PCDH9: variants seen among roughly 807,000 people sequenced by gnomAD.
PCDH9 encodes protocadherin-9.
PCDH9 carries 24 observed loss-of-function variants against 70.6 expected under a neutral mutation model. The observed-to-expected ratio is 0.34, with a 90% CI of 0.25 to 0.48. The LOEUF (loss-of-function observed/expected upper bound fraction) is 0.48, where lower values mean the gene tolerates loss of function less well. Among genes scored for constraint, PCDH9 ranks in the 20% least tolerant of loss-of-function variants. The pLI, the probability that PCDH9 is intolerant of heterozygous loss-of-function variation, is 0.99. For missense variants in PCDH9, 1,281 were observed against 1,503.6 expected (o/e 0.85, Z 2.45); for synonymous variants, 562 against 558.5 (o/e 1.01, Z -0.09).
intron 4 of PCDH9, among the ~76,000 whole-genome samples, chr13:66,509,139 A>G (rs1433301775): frequency 3.3e-5 from 5 of 152,182 alleles, no homozygotes; most frequent in Non-Finnish European, 7.3e-5. Flanking sequence ...CCTCAGCCCA[A>G]CTACACTGTA....
chr13:66,896,653 G>A (rs897034477), intron 3 of PCDH9, among the ~76,000 whole-genome samples: 7 of 152,228 alleles, frequency 4.6e-5, no homozygotes, highest in East Asian at 3.9e-4. Context: ...AGCTGAGTCC[G>A]TTGAACACAA....
At chr13:66,926,141 T>C (rs2082714485) in intron 2 of PCDH9, among the ~76,000 whole-genome samples, 1 of 152,008 alleles carries the variant, frequency 6.6e-6, no homozygotes, top group Non-Finnish European at 1.5e-5. Flanking sequence ...ATAACTACTA[T>C]ATAGTGCCTG....
intron 4 of PCDH9, among the ~76,000 whole-genome samples, chr13:66,306,667 A>G (rs1003940476): frequency 6.6e-6 from 1 of 151,802 alleles, no homozygotes; most frequent in Non-Finnish European, 1.5e-5. Context: ...AATATCCTTA[A>G]AATTACTTCC....
intron 3 of PCDH9, among the ~76,000 whole-genome samples, chr13:66,775,996 C>T (rs1298788853): frequency 6.6e-6 from 1 of 152,186 alleles, no homozygotes; most frequent in Non-Finnish European, 1.5e-5. Flanking sequence ...CATGCAACTG[C>T]TTCTGCTTTT....
At chr13:67,041,050 G>A (rs540101505) in intron 2 of PCDH9, among the ~76,000 whole-genome samples, 26 of 151,862 alleles carry the variant, frequency 1.7e-4, no homozygotes, top group Non-Finnish European at 2.9e-4. Flanking sequence ...AAGAACAGAA[G>A]AGTCAAGAAC....
intron 2 of PCDH9, among the ~76,000 whole-genome samples, chr13:67,096,955 T>G (rs925868943): frequency 1.3e-5 from 2 of 152,106 alleles, no homozygotes; most frequent in Non-Finnish European, 2.9e-5. Context: ...TAAAATATTT[T>G]AAGAATTTTA....
intron 4 of PCDH9, among the ~76,000 whole-genome samples, chr13:66,470,850 A>G (rs1257934205): frequency 2.0e-5 from 3 of 151,602 alleles, no homozygotes; most frequent in Admixed American, 6.6e-5. Flanking sequence ...ATCTCTCTGA[A>G]TCTCAACTTT....
At chr13:66,554,703 T>C (rs1961646867) in intron 4 of PCDH9, among the ~76,000 whole-genome samples, 1 of 152,080 alleles carries the variant, frequency 6.6e-6, no homozygotes, top group African/African-American at 2.4e-5. Context: ...TAAGAACTTC[T>C]AGAGCTTCTA....
In PCDH9 at chr13:67,227,473, G is replaced by C. The variant is rs747454053; in HGVS notation, c.968C>G (p.Thr323Arg). 1.9e-6 allele frequency: 3 copies of C among 1,613,830 alleles called. No individual in the cohort carries two copies. Among genetic ancestry groups the C allele is most frequent in the African/African-American group, 2.7e-5 (2 of 75,038 alleles). ...CAGCACTGTCACTTTGTGAATGGCT[G>C]TCTCCTCTCTATCTAAGGACCTCTG... ...TVQRSLDREE[T>R]AIHKVTVLAS... Residue 323 changes from threonine (T) to arginine (R), a missense_variant, in exon 2 of 5, where the codon ACA (threonine) becomes AGA (arginine). By Grantham distance (71) the Thr-to-Arg change is moderately conservative. Around this residue, in one of 4 missense-constraint regions of PCDH9, gnomAD observed 798 missense variants for 1,003.1 expected, o/e 0.80. Transcript: ENST00000377865. This position sits in a 1 kb window ranked among gnomAD's most constrained non-coding sequence, Gnocchi z 4.6.
At position 66,369,552 on chromosome 13, in the gene PCDH9, A is replaced by G. The variant is rs1302164640; in HGVS notation, c.3341-64524T>C. Among the ~76,000 whole-genome samples, 4 of 152,230 alleles carry G rather than the reference A, an allele frequency of 2.6e-5. No homozygotes were observed. The East Asian group carries it at 7.7e-4, about 29-fold the overall frequency. ...TTGATAATCTCTTGACTTTAAAATA[A>G]CACACTACCTCAGCAAGTATACTAC... is the stretch of plus-strand genomic sequence containing the variant. On this transcript the variant is annotated intron_variant, in intron 4 of 4. Coordinates refer to ENST00000377865, the MANE Select transcript of PCDH9 (RefSeq NM_203487.3).
chr13:66,824,335 A>T, intron 3 of PCDH9, among the ~76,000 whole-genome samples: 1 of 122,312 alleles, frequency 8.2e-6, no homozygotes, highest in Non-Finnish European at 1.7e-5. Context: ...ATATATATAT[A>T]TATATATATA....
At chr13:66,748,977 T>C (rs2079415354) in intron 3 of PCDH9, among the ~76,000 whole-genome samples, 1 of 152,130 alleles carries the variant, frequency 6.6e-6, no homozygotes, top group African/African-American at 2.4e-5. Context: ...TCAAGATATC[T>C]GATGTGGTTT....
chr13:66,962,165 T>C lies in PCDH9; in HGVS notation c.3037-58560A>G, dbSNP rs77286761. 8.4e-3 allele frequency among the ~76,000 whole-genome samples: 1,278 copies of C among 152,326 alleles called. 55 individuals are homozygous for C. In the East Asian group the frequency reaches 0.12, roughly 14 times the overall value. On this transcript the variant is annotated intron_variant, in intron 2 of 4. Transcript: ENST00000377865. ...TAATAATTCATTTTGTCAAATTGGT[T>C]CCATTGGAGAGAGGGATAAGGAAAA...
intron 4 of PCDH9, among the ~76,000 whole-genome samples, chr13:66,489,779 C>T (rs1195518297): frequency 6.6e-6 from 1 of 152,126 alleles, no homozygotes; most frequent in Non-Finnish European, 1.5e-5. Context: ...ATCGATGACA[C>T]ACATACATTC....
chr13:66,855,688 CAG>C (rs2139465836), intron 3 of PCDH9, among the ~76,000 whole-genome samples: 1 of 152,026 alleles, frequency 6.6e-6, no homozygotes, highest in African/African-American at 2.4e-5. Context: ...AAAAAAGGCT[CAG>C]AGAGTTCAGG....
chr13:66,320,057 T>G (rs1192274326), intron 4 of PCDH9, among the ~76,000 whole-genome samples: 1 of 152,100 alleles, frequency 6.6e-6, no homozygotes, highest in African/African-American at 2.4e-5. Context: ...CCTTGTGAGT[T>G]GATGAAAAGT....
rs138956797 is a variant in PCDH9, at chr13:66,548,011, T to TTGTA, written c.3340+83195_3340+83198dup. ...AGCTTTTTGTTGTTTGCGTGTGTAT[T>TTGTA]TGTATGTATGTATGTATGTATGTTT... On this transcript the variant is annotated intron_variant, in intron 4 of 4. Transcript: ENST00000377865. 9.9e-4 allele frequency among the ~76,000 whole-genome samples: 147 copies of TTGTA among 149,160 alleles called. 2 individuals are homozygous for TTGTA. The highest frequency in any genetic ancestry group is 3.4e-3 in the African/African-American group (136 of 40,122).
chr13:66,743,616 T>C (rs2079308000), intron 3 of PCDH9, among the ~76,000 whole-genome samples: 1 of 152,130 alleles, frequency 6.6e-6, no homozygotes, highest in African/African-American at 2.4e-5. Flanking sequence ...ATGTATTGTA[T>C]GCTCAAAAAT....
rs1286088783 is a variant in PCDH9 at position 66,408,101 on chromosome 13, G to C, written c.3341-103073C>G. 2.8e-5 allele frequency among the ~76,000 whole-genome samples: 4 copies of C among 145,158 alleles called. 1 individual carries two copies. The highest frequency in any genetic ancestry group is 7.4e-3 in the Middle Eastern group (2 of 272). On this transcript the variant is annotated intron_variant, in intron 4 of 4. Transcript: ENST00000377865. Reference sequence around the variant, plus strand: ...GAGTCTCGCTCTGTCGCCCAGGCCGGACTGCGGACTGCAGTGGCGCAATCT... The same window carrying C: ...GAGTCTCGCTCTGTCGCCCAGGCCGCACTGCGGACTGCAGTGGCGCAATCT...
Sources: gnomAD v4.1 joint callset for allele counts (sites outside exome capture counted in the v4.1 genomes callset) on GRCh38, gnomAD v4.1.1 for gene constraint, gnomAD v4.1.1 regional missense constraint, Gnocchi (gnomAD v3.1) non-coding constraint, MANE v1.5 for transcripts, NCBI Gene and HGNC (gene_info 2026-07-23, HGNC 2026-07-21) for gene names.